DLG2: variants seen among roughly 807,000 people sequenced by gnomAD.
The protein encoded by DLG2 is discs large MAGUK scaffold protein 2, also known as disks large homolog 2.
DLG2 carries 45 observed loss-of-function variants against 132.5 expected under a neutral mutation model. The ratio of observed to expected loss-of-function variants is 0.34; its 90% CI spans 0.27 to 0.44. DLG2 has a LOEUF of 0.44. DLG2 is among the 20% of genes least tolerant of loss of function. The probability of loss-of-function intolerance (pLI) is 1.00; values close to 1 mark genes in which losing one functional copy is unlikely to be tolerated. For synonymous variants in DLG2, 424 were observed against 419.6 expected (o/e 1.01, Z -0.13); for missense variants, 1,045 against 1,196.9 (o/e 0.87, Z 1.87).
chr11:83,727,196 C>T (rs2090162927), intron 18 of DLG2, among the ~76,000 whole-genome samples: 1 of 152,156 alleles, frequency 6.6e-6, no homozygotes, highest in Admixed American at 6.5e-5. Flanking sequence ...TCAACACAAT[C>T]AACAGTCCAC....
At chr11:84,799,958 CT>C (rs1476972461) in intron 6 of DLG2, among the ~76,000 whole-genome samples, 1 of 152,146 alleles carries the variant, frequency 6.6e-6, no homozygotes, top group Non-Finnish European at 1.5e-5. Context: ...ATGAGAAGCT[CT>C]TTCTCACATC....
chr11:84,935,591 C>A (rs2048644175), intron 6 of DLG2, among the ~76,000 whole-genome samples: 1 of 152,174 alleles, frequency 6.6e-6, no homozygotes, highest in Admixed American at 6.6e-5. Flanking sequence ...ATCTCACCCA[C>A]CCTCTAGAAG....
intron 8 of DLG2, among the ~76,000 whole-genome samples, chr11:84,214,335 G>A (rs188509836): frequency 5.5e-4 from 81 of 146,642 alleles, no homozygotes; most frequent in Non-Finnish European, 8.9e-4. Flanking sequence ...ATGTTTTTAT[G>A]TGTACATACA....
chr11:83,844,112 T>C (rs2058142825), intron 16 of DLG2, among the ~76,000 whole-genome samples: 1 of 152,100 alleles, frequency 6.6e-6, no homozygotes, highest in Non-Finnish European at 1.5e-5. Flanking sequence ...GTGGTGGGAT[T>C]AGATCAGAGA....
chr11:85,297,282 G>C (rs2079292453), intron 3 of DLG2, among the ~76,000 whole-genome samples: 1 of 152,114 alleles, frequency 6.6e-6, no homozygotes, highest in Non-Finnish European at 1.5e-5. Context: ...ACTGCCTTTT[G>C]TTCTAAAGTG....
intron 3 of DLG2, among the ~76,000 whole-genome samples, chr11:85,597,576 C>T (rs752175202): frequency 2.0e-5 from 3 of 151,710 alleles, no homozygotes; most frequent in Non-Finnish European, 4.4e-5. Flanking sequence ...TCCTGTAAAG[C>T]TTTACACTTC....
chr11:83,755,268 T>C (rs1369700208), intron 18 of DLG2, among the ~76,000 whole-genome samples: 2 of 151,416 alleles, frequency 1.3e-5, no homozygotes, highest in Admixed American at 1.3e-4. Flanking sequence ...TGAATGACTA[T>C]AAATGGCTTT....
intron 3 of DLG2, among the ~76,000 whole-genome samples, chr11:85,480,821 A>G (rs1169063139): frequency 6.6e-6 from 1 of 152,208 alleles, no homozygotes; most frequent in Non-Finnish European, 1.5e-5. Flanking sequence ...GCACACAGGA[A>G]AAAAAACTAA....
At chr11:83,765,508 G>A (rs1455411544) in intron 18 of DLG2, among the ~76,000 whole-genome samples, 2 of 152,160 alleles carry the variant, frequency 1.3e-5, no homozygotes, top group Non-Finnish European at 1.5e-5. Flanking sequence ...TTGATTTGGG[G>A]TTGGCGTTTA....
chr11:85,124,909 CA>C (rs2074891982), intron 5 of DLG2, among the ~76,000 whole-genome samples: 1 of 151,612 alleles, frequency 6.6e-6, no homozygotes, highest in Admixed American at 6.6e-5. Flanking sequence ...TGGCTCACTG[CA>C]AGCTCCGCCT....
intron 6 of DLG2, among the ~76,000 whole-genome samples, chr11:84,802,033 CTCTT>C (rs1164922056): frequency 6.6e-6 from 1 of 151,128 alleles, no homozygotes; most frequent in Non-Finnish European, 1.5e-5. Flanking sequence ...AAGTCATTAA[CTCTT>C]TCCATAATTT....
chr11:84,875,267 A>G lies in DLG2; in HGVS notation c.357+236394T>C, dbSNP rs1566231784. On this transcript the variant is annotated intron_variant, in intron 6 of 27. Coordinates refer to ENST00000376104, the MANE Select transcript of DLG2 (RefSeq NM_001142699.3). ...GAAAATGCTGAGAAGGCAGTTGGAT[A>G]TATAGGTTAAGAGTTCAGAATAGAA... 2.0e-5 allele frequency among the ~76,000 whole-genome samples: 3 copies of G among 152,278 alleles called. No homozygotes were observed. In the South Asian group the frequency reaches 6.2e-4, roughly 32 times the overall value.
chr11:85,157,278 T>C (rs916500180), intron 4 of DLG2, among the ~76,000 whole-genome samples: 10 of 152,068 alleles, frequency 6.6e-5, no homozygotes, highest in African/African-American at 2.4e-4. Context: ...AGCACATATA[T>C]ATATATGTGA....
Position 83,662,605 on chromosome 11 carries a change from C to T in DLG2, c.1826-29280G>A, listed in dbSNP as rs1018111225. Among the ~76,000 whole-genome samples, 8 of 152,182 alleles carry T rather than the reference C, an allele frequency of 5.3e-5. No homozygotes were observed. The South Asian group carries it at 1.7e-3, about 32-fold the overall frequency. On this transcript the variant is annotated intron_variant, in intron 18 of 27. Transcript: ENST00000376104. ...GTGATCCACATGAGAATATTTGTCT[C>T]TTCTATTTATCCCTGTACTCTCAGA...
intron 3 of DLG2, among the ~76,000 whole-genome samples, chr11:85,336,826 C>A (rs1229482561): frequency 6.6e-6 from 1 of 152,188 alleles, no homozygotes; most frequent in Non-Finnish European, 1.5e-5. Flanking sequence ...ATTCTTTTAA[C>A]TTTAACCCAC....
rs566696633 is a variant in DLG2, at chr11:84,101,063, T to A, written c.625-2016A>T. Among the ~76,000 whole-genome samples, 4 of 152,268 alleles carry A rather than the reference T, an allele frequency of 2.6e-5. No homozygotes were observed. In the South Asian group the frequency reaches 8.3e-4, roughly 32 times the overall value. On this transcript the variant is annotated intron_variant, in intron 9 of 27. Coordinates refer to ENST00000376104, the MANE Select transcript of DLG2 (RefSeq NM_001142699.3). ...TTACTTATTAGCACTCATATAATCA[T>A]GAATTTATTTAATATTTATTAAACA... is the stretch of plus-strand genomic sequence containing the variant.
At chr11:84,956,061 T>C (rs1157557006) in intron 6 of DLG2, among the ~76,000 whole-genome samples, 1 of 152,162 alleles carries the variant, frequency 6.6e-6, no homozygotes, top group Non-Finnish European at 1.5e-5. Context: ...CAGCCAGGTA[T>C]CATCAGCCTG....
chr11:83,881,947 G>A (rs2066377813), intron 15 of DLG2, among the ~76,000 whole-genome samples: 3 of 152,080 alleles, frequency 2.0e-5, no homozygotes, highest in Non-Finnish European at 4.4e-5. Context: ...AAATATTGCT[G>A]TCAAATTAGG....
At chr11:84,880,854 C>T (rs922359396) in intron 6 of DLG2, among the ~76,000 whole-genome samples, 1 of 152,070 alleles carries the variant, frequency 6.6e-6, no homozygotes, top group East Asian at 1.9e-4. Flanking sequence ...TTGACTTGTA[C>T]TGTGAAATAA....
Sources: allele counts gnomAD v4.1 joint callset (sites outside exome capture counted in the v4.1 genomes callset), GRCh38; gene constraint gnomAD v4.1.1; transcripts MANE v1.5; gene names NCBI Gene and HGNC (gene_info 2026-07-23, HGNC 2026-07-21).